Variants in LMTK3 observed in about 807,000 individuals in gnomAD.
The protein encoded by LMTK3 is lemur tail kinase 3.
In LMTK3, 27 loss-of-function variants were observed where a neutral mutation model predicts 116.7. The observed-to-expected ratio is 0.23, with a 90% CI of 0.17 to 0.32. The LOEUF (loss-of-function observed/expected upper bound fraction) is 0.32, where lower values mean the gene tolerates loss of function less well. LMTK3 is among the 10% of genes least tolerant of loss of function. LMTK3 has a pLI of 1.00. For synonymous variants in LMTK3, 965 were observed against 971.0 expected (o/e 0.99, Z 0.11); for missense variants, 1,764 against 2,068.5 (o/e 0.85, Z 2.86).
chr19:48,495,678 C>T (rs1282672213), intron 11 of LMTK3, among the ~76,000 whole-genome samples: 2 of 152,238 alleles, frequency 1.3e-5, no homozygotes, highest in East Asian at 3.8e-4. Flanking sequence ...GAGCCACAGG[C>T]TCCTCTATGG....
intron 14 of LMTK3, among the ~76,000 whole-genome samples, chr19:48,486,164 A>G (rs1199090451): frequency 7.7e-6 from 1 of 130,638 alleles, no homozygotes; most frequent in Non-Finnish European, 1.5e-5. Flanking sequence ...GGTTCACGCC[A>G]TTCTCCTGCC....
At chr19:48,496,037 A>C (rs1269775791) in intron 11 of LMTK3, among the ~76,000 whole-genome samples, 1 of 152,238 alleles carries the variant, frequency 6.6e-6, no homozygotes, top group Non-Finnish European at 1.5e-5. Context: ...CCTCGAACAC[A>C]GGAGGCCTGG....
chr19:48,500,754 G>C lies in LMTK3; in HGVS notation c.1151+242C>G, dbSNP rs1379700026. The stretch of plus-strand genomic sequence containing the variant: ...GTTTGCGCTGTGAGCTCTGGAATCA[G>C]ACAGGTAAGAAGCAGGGACCTCTTA... On this transcript the variant is annotated intron_variant, in intron 10 of 14. Transcript: ENST00000600059. This position sits in a 1 kb window ranked among gnomAD's most constrained non-coding sequence, Gnocchi z 4.0. Among the ~76,000 whole-genome samples the C allele has an allele frequency of 1.3e-5, 2 of 152,182 alleles. No individual in the cohort carries two copies. The highest frequency in any genetic ancestry group is 4.8e-5 in the African/African-American group (2 of 41,440).
chr19:48,489,812 T>C (rs1972190909), intron 14 of LMTK3, among the ~76,000 whole-genome samples: 2 of 152,190 alleles, frequency 1.3e-5, no homozygotes, highest in East Asian at 1.9e-4. Context: ...TCAGGCAAGA[T>C]TGGGGAAGTA....
In LMTK3 at chr19:48,500,854, A is replaced by C; in HGVS notation, c.1151+142T>G. Reference sequence around the variant, plus strand: ...CCTGCAAGTAGCAGATGCTGGCAGAAAGGGTGGGGACAGCCCCTCTTCACT... The same window carrying C: ...CCTGCAAGTAGCAGATGCTGGCAGACAGGGTGGGGACAGCCCCTCTTCACT... On this transcript the variant is annotated intron_variant, in intron 10 of 14. Coordinates refer to ENST00000600059, the MANE Select transcript of LMTK3 (RefSeq NM_001388485.1). This position sits in a 1 kb window ranked among gnomAD's most constrained non-coding sequence, Gnocchi z 4.0. 1 of 801,312 alleles carries C rather than the reference A, an allele frequency of 1.2e-6. No individual in the cohort carries two copies. Among genetic ancestry groups the C allele is most frequent in the Admixed American group, 3.5e-5 (1 of 28,512 alleles). The allele number at this position is 801,312 out of a possible 1,614,324, so 49.6% of individuals were successfully genotyped here.
intron 4 of LMTK3, 98 bp from the exon 5 acceptor site, chr19:48,509,067 C>T: frequency 2.6e-6 from 2 of 773,578 alleles, no homozygotes; most frequent in Non-Finnish European, 2.1e-6. Flanking sequence ...ACCCCCGGCT[C>T]CTTCCCAGCT....
Position 48,485,518 on chromosome 19 carries a change from G to T in LMTK3, c.*255C>A, listed in dbSNP as rs1972106065. 3.7e-6 allele frequency: 2 copies of T among 535,452 alleles called. No homozygotes were observed. Among genetic ancestry groups the T allele is most frequent in the Non-Finnish European group, 6.7e-6 (2 of 297,902 alleles). The allele number at this position is 535,452 out of a possible 1,614,324, so 33.2% of individuals were successfully genotyped here. A position where few individuals can be genotyped will look rare whatever the true frequency, so the allele number is the denominator to read the frequency against. ...GTTCCGAGAAAGGCGGCTCTCTATG[G>T]AGGGGCGGGGGGATTCCTGCCTCAT... On this transcript the variant is annotated 3_prime_UTR_variant, in exon 15 of 15. Transcript: ENST00000600059.
In LMTK3 at chr19:48,501,460, G is replaced by T. The variant is rs756062235; in HGVS notation, c.879+18C>A. 6.2e-7 allele frequency: 1 copy of T among 1,612,506 alleles called. No individual in the cohort carries two copies. The highest frequency in any genetic ancestry group is 8.5e-7 in the Non-Finnish European group (1 of 1,179,314). On this transcript the variant is annotated intron_variant, in intron 8 of 14. Transcript: ENST00000600059. Reference sequence around the variant, plus strand: ...CAGGGCACCCCACAGCCCCCATCCCGACGGAAGGAAGCCCTACCTTGTAGT... The same window carrying T: ...CAGGGCACCCCACAGCCCCCATCCCTACGGAAGGAAGCCCTACCTTGTAGT...
chr19:48,491,084 G>T lies in LMTK3; in HGVS notation c.4366+24C>A. ...AGGGGGACAGAGATGGGCAGAGGAGGGGGCAGGGCCGAGGATATGGTACCT... is the reference window on the plus strand; with the variant it reads ...AGGGGGACAGAGATGGGCAGAGGAGTGGGCAGGGCCGAGGATATGGTACCT... On this transcript the variant is annotated intron_variant, in intron 14 of 14. Coordinates refer to ENST00000600059, the MANE Select transcript of LMTK3 (RefSeq NM_001388485.1). This position sits in a 1 kb window ranked among gnomAD's most constrained non-coding sequence, Gnocchi z 5.1. 1 of 1,330,660 alleles carries T rather than the reference G, an allele frequency of 7.5e-7. No homozygotes were observed. Among genetic ancestry groups the T allele is most frequent in the Non-Finnish European group, 9.6e-7 (1 of 1,038,868 alleles). 82.4% of individuals were successfully genotyped at this position (1,330,660 alleles called of 1,614,324 possible). A position where few individuals can be genotyped will look rare whatever the true frequency, so the allele number is the denominator to read the frequency against.
At chr19:48,509,950 G>T in intron 3 of LMTK3, 73 bp downstream of exon 3, 1 of 1,557,368 alleles carries the variant, frequency 6.4e-7, no homozygotes, top group Non-Finnish European at 8.8e-7. Context: ...CCCAGCCCCT[G>T]AAGGAACACA....
In LMTK3 at chr19:48,500,789, G is replaced by A. The variant is rs1972451052; in HGVS notation, c.1151+207C>T. ...AAGCAGGGACCTCTTAGGGTGAAGT[G>A]GGTTCAAATCACAGCTCTGCCATCC... On this transcript the variant is annotated intron_variant, in intron 10 of 14. Transcript: ENST00000600059. This position sits in a 1 kb window ranked among gnomAD's most constrained non-coding sequence, Gnocchi z 4.0. Among the ~76,000 whole-genome samples the A allele has an allele frequency of 1.3e-5, 2 of 152,186 alleles. No homozygotes were observed. Among genetic ancestry groups the A allele is most frequent in the Non-Finnish European group, 2.9e-5 (2 of 68,022 alleles).
chr19:48,488,920 G>T (rs1219673979), intron 14 of LMTK3, among the ~76,000 whole-genome samples: 1 of 152,054 alleles, frequency 6.6e-6, no homozygotes, highest in Non-Finnish European at 1.5e-5. Context: ...TGTACTTTTA[G>T]TAGAGACAGG....
Position 48,493,993 on chromosome 19 carries a change from C to A in LMTK3, c.3793G>T (p.Ala1265Ser), listed in dbSNP as rs1972279424. ...GADAGAAGGEAGGAGAPGPAE... is the reference protein window; with the variant it reads ...GADAGAAGGESGGAGAPGPAE... ...GGCCCCGGCGCTCCCGCCCCGCCGG[C>A]CTCCCCGCCAGCCGCCCCGGCGTCC... The change falls in exon 12 of 15, where the codon GCC becomes TCC. Residue 1265 changes from alanine to serine, a missense_variant. Ala to Ser is a moderately conservative substitution (Grantham distance 99). This residue lies in a region of LMTK3 where 281 missense variants were observed against 301.4 expected (regional missense o/e 0.93). Coordinates refer to ENST00000600059, the MANE Select transcript of LMTK3 (RefSeq NM_001388485.1). 1.4e-5 allele frequency: 15 copies of A among 1,078,196 alleles called. No individual in the cohort carries two copies. Among genetic ancestry groups the A allele is most frequent in the Non-Finnish European group, 1.7e-5 (15 of 893,478 alleles). The allele number at this position is 1,078,196 out of a possible 1,614,324, so 66.8% of individuals were successfully genotyped here.
intron 14 of LMTK3, among the ~76,000 whole-genome samples, chr19:48,489,152 C>A (rs540460592): frequency 1.3e-5 from 2 of 152,200 alleles, no homozygotes; most frequent in Non-Finnish European, 2.9e-5. Flanking sequence ...TCAGTGTCTG[C>A]GGGGAGGGCC....
Position 48,499,741 on chromosome 19 carries a change from C to G in LMTK3, c.1328G>C (p.Arg443Pro), listed in dbSNP as rs757078019. The G allele has an allele frequency of 1.1e-3, 1,326 of 1,199,684 alleles. 1 individual carries two copies. Among genetic ancestry groups the G allele is most frequent in the Non-Finnish European group, 1.3e-3 (1,208 of 942,566 alleles). The allele number at this position is 1,199,684 out of a possible 1,614,324, so 74.3% of individuals were successfully genotyped here. A position where few individuals can be genotyped will look rare whatever the true frequency, so the allele number is the denominator to read the frequency against. ...WPWPPAHSAP[R>P]PGTLSSPFPL... ...GAACGGTGAGGAGAGGGTCCCCGGG[C>G]GGGGCGCACTGTGTGCAGGGGGCCA... Residue 443 changes from arginine (R) to proline (P), a missense_variant, in exon 11 of 15, where the codon CGC (arginine) becomes CCC (proline). Around this residue, in one of 7 missense-constraint regions of LMTK3, gnomAD observed 63 missense variants for 65.0 expected, o/e 0.97. Transcript: ENST00000600059.
In LMTK3 at chr19:48,498,885, G is replaced by T; in HGVS notation, c.2184C>A (p.Ala728=). The part of the protein sequence containing the change: ...ADLPMAPPAS[A]PPEFLDPLMG... ...TGAGGGGGTCCAGAAACTCGGGGGG[G>T]GCCGAGGCGGGGGGGGCCATGGGCA... is the stretch of plus-strand genomic sequence containing the variant. The change falls in exon 11 of 15, where the codon GCC becomes GCA. Residue 728 remains alanine, a synonymous_variant. Coordinates refer to ENST00000600059, the MANE Select transcript of LMTK3 (RefSeq NM_001388485.1). 1.7e-6 allele frequency: 2 copies of T among 1,185,572 alleles called. No individual in the cohort carries two copies. The highest frequency in any genetic ancestry group is 2.2e-6 in the Non-Finnish European group (2 of 929,458). 73.4% of individuals were successfully genotyped at this position (1,185,572 alleles called of 1,614,324 possible).
rs985858880 is a variant in LMTK3, at chr19:48,497,703, G to A, written c.3366C>T (p.Ala1122=). 6 of 1,320,828 alleles carry A rather than the reference G, an allele frequency of 4.5e-6. No individual in the cohort carries two copies. Among genetic ancestry groups the A allele is most frequent in the African/African-American group, 1.5e-5 (1 of 64,812 alleles). 81.8% of individuals were successfully genotyped at this position (1,320,828 alleles called of 1,614,324 possible). A position where few individuals can be genotyped will look rare whatever the true frequency, so the allele number is the denominator to read the frequency against. Residue 1122 remains alanine, a synonymous_variant, in exon 11 of 15, where the codon GCC becomes GCT. Transcript: ENST00000600059. This position sits in a 1 kb window ranked among gnomAD's most constrained non-coding sequence, Gnocchi z 5.7. ...CGCCGCTTCCGGGGCCGCCGCCGGG[G>A]GCCGTCCCCGTGCCCACTGGGGCTC... The part of the protein sequence containing the change: ...GGRAPVGTGT[A]PGGGPGSGVD...
chr19:48,497,509 C>A lies in LMTK3; in HGVS notation c.3560G>T (p.Gly1187Val). ...EPGAPDSRAG[G>V]DTALSGDGDP... ...CCCGTCTCCGCTGAGTGCCGTGTCT[C>A]CGCCGGCCCTGCTGTCTGGGGCCCC... is the stretch of plus-strand genomic sequence containing the variant. Residue 1187 changes from glycine to valine, a missense_variant, in exon 11 of 15, where the codon GGA (glycine) becomes GTA (valine). Transcript: ENST00000600059. The surrounding 1 kb of genome is among the most constrained non-coding windows in gnomAD (Gnocchi z 5.7). 6.9e-7 allele frequency: 1 copy of A among 1,444,784 alleles called. No homozygotes were observed. The highest frequency in any genetic ancestry group is 9.1e-7 in the Non-Finnish European group (1 of 1,098,678). 89.5% of individuals were successfully genotyped at this position (1,444,784 alleles called of 1,614,324 possible). A position where few individuals can be genotyped will look rare whatever the true frequency, so the allele number is the denominator to read the frequency against.
rs1471578713 is a variant in LMTK3, at chr19:48,500,064, G to A, written c.1152-147C>T. 5 of 705,342 alleles carry A rather than the reference G, an allele frequency of 7.1e-6. No homozygotes were observed. The East Asian group carries it at 1.5e-4, about 21-fold the overall frequency. The allele number at this position is 705,342 out of a possible 1,614,324, so 43.7% of individuals were successfully genotyped here. A position where few individuals can be genotyped will look rare whatever the true frequency, so the allele number is the denominator to read the frequency against. ...AGAGGGGGACAGAGACCCAGAGAGA[G>A]GGGGACAGAGACCCAGAGACAGAGG... On this transcript the variant is annotated intron_variant, in intron 10 of 14. Transcript: ENST00000600059. The surrounding 1 kb of genome is among the most constrained non-coding windows in gnomAD (Gnocchi z 4.0).
Sources: allele counts gnomAD v4.1 joint callset (sites outside exome capture counted in the v4.1 genomes callset), GRCh38; gene constraint gnomAD v4.1.1; regional missense constraint gnomAD v4.1.1; non-coding constraint Gnocchi (gnomAD v3.1); transcripts MANE v1.5; gene names NCBI Gene and HGNC (gene_info 2026-07-23, HGNC 2026-07-21).